The following WDR70 variants were observed in gnomAD, a reference collection of about 807,000 sequenced individuals.
WDR70 encodes the protein WD repeat-containing protein 70.
In WDR70, 53 loss-of-function variants were observed where a neutral mutation model predicts 88.6. The ratio of observed to expected loss-of-function variants is 0.60; its 90% CI spans 0.48 to 0.75. The LOEUF is 0.75. WDR70 is among the 30% of genes least tolerant of loss of function. WDR70 has a pLI of 0.00. For synonymous variants in WDR70, 280 were observed against 270.0 expected (o/e 1.04, Z -0.36); for missense variants, 610 against 823.2 (o/e 0.74, Z 3.17).
chr5:37,601,352 T>C (rs971021251), intron 9 of WDR70, among the ~76,000 whole-genome samples: 5 of 152,244 alleles, frequency 3.3e-5, no homozygotes, highest in Admixed American at 2.6e-4. Context: ...TGAACCATCC[T>C]TGCATACCTG....
chr5:37,488,918 C>T (rs1739979294), intron 8 of WDR70, among the ~76,000 whole-genome samples: 1 of 152,132 alleles, frequency 6.6e-6, no homozygotes, highest in Admixed American at 6.5e-5. Flanking sequence ...ACAGTTACTT[C>T]TTCCAGTTTT....
At chr5:37,495,696 G>C (rs1740197251) in intron 8 of WDR70, among the ~76,000 whole-genome samples, 1 of 152,064 alleles carries the variant, frequency 6.6e-6, no homozygotes, top group Admixed American at 6.6e-5. Context: ...TAGTTTATTT[G>C]GTGAAAAAGT....
intron 5 of WDR70, among the ~76,000 whole-genome samples, chr5:37,419,147 T>C (rs1012168217): frequency 1.3e-5 from 2 of 152,152 alleles, no homozygotes; most frequent in Non-Finnish European, 2.9e-5. Flanking sequence ...CTTCCTTATG[T>C]CTTCCTGTAT....
chr5:37,442,479 C>T (rs1341616078), intron 6 of WDR70, among the ~76,000 whole-genome samples: 4 of 151,566 alleles, frequency 2.6e-5, no homozygotes, highest in South Asian at 2.1e-4. Context: ...CATGCCTCCA[C>T]GCCCAGTTAA....
intron 3 of WDR70, 50 bp from the exon 4 acceptor site, chr5:37,391,950 G>T: frequency 6.4e-7 from 1 of 1,568,536 alleles, no homozygotes; most frequent in South Asian, 1.2e-5. Flanking sequence ...AACATATTTT[G>T]AATTGTAACC....
chr5:37,432,201 T>C (rs1750326829), intron 5 of WDR70, among the ~76,000 whole-genome samples: 1 of 152,238 alleles, frequency 6.6e-6, no homozygotes, highest in Non-Finnish European at 1.5e-5. Context: ...TTTCTTTACC[T>C]CCTTACCAAC....
intron 10 of WDR70, among the ~76,000 whole-genome samples, chr5:37,622,538 T>C (rs1744539118): frequency 6.6e-6 from 1 of 152,174 alleles, no homozygotes; most frequent in Admixed American, 6.5e-5. Flanking sequence ...GTGGCACATA[T>C]ACACCATGGA....
chr5:37,665,599 A>G (rs1561058170), intron 10 of WDR70, among the ~76,000 whole-genome samples: 2 of 152,208 alleles, frequency 1.3e-5, no homozygotes, highest in Non-Finnish European at 2.9e-5. Context: ...GCTGGAAAAT[A>G]AAAATCAGTC....
At chr5:37,400,219 C>T (rs1561837885) in intron 5 of WDR70, among the ~76,000 whole-genome samples, 1 of 152,080 alleles carries the variant, frequency 6.6e-6, no homozygotes, top group Non-Finnish European at 1.5e-5. Context: ...CAGGTGTGAG[C>T]CACTGCACCT....
intron 10 of WDR70, among the ~76,000 whole-genome samples, chr5:37,676,630 G>T (rs1437109346): frequency 1.1e-4 from 16 of 151,946 alleles, no homozygotes; most frequent in Non-Finnish European, 2.2e-4. Flanking sequence ...GCTGGATTCG[G>T]TTTGCCAGTA....
chr5:37,659,412 A>G (rs1333862786), intron 10 of WDR70, among the ~76,000 whole-genome samples: 1 of 151,174 alleles, frequency 6.6e-6, no homozygotes, highest in African/African-American at 2.4e-5. Context: ...CTGTTTTTCT[A>G]TTTTTTTTAT....
intron 5 of WDR70, among the ~76,000 whole-genome samples, chr5:37,398,860 G>A (rs1749109058): frequency 6.6e-6 from 1 of 152,064 alleles, no homozygotes; most frequent in Admixed American, 6.6e-5. Context: ...GAAATATTTT[G>A]ACTGGGCACT....
intron 10 of WDR70, among the ~76,000 whole-genome samples, chr5:37,658,531 CT>C (rs1371730711): frequency 6.6e-6 from 1 of 152,006 alleles, no homozygotes; most frequent in Non-Finnish European, 1.5e-5. Flanking sequence ...TTCTAGTTAT[CT>C]TTCAAAACCC....
intron 10 of WDR70, among the ~76,000 whole-genome samples, chr5:37,687,084 TTTAGA>T (rs1479139865): frequency 6.6e-6 from 1 of 152,044 alleles, no homozygotes; most frequent in East Asian, 1.9e-4. Flanking sequence ...AAGTTGCAGT[TTTAGA>T]TTCCCGACAT....
chr5:37,655,282 G>A (rs983505785), intron 10 of WDR70, among the ~76,000 whole-genome samples: 2 of 152,144 alleles, frequency 1.3e-5, no homozygotes, highest in Non-Finnish European at 2.9e-5. Flanking sequence ...CTTTCTTTTG[G>A]CTTGTAGTGT....
intron 5 of WDR70, among the ~76,000 whole-genome samples, chr5:37,416,955 G>A (rs926708310): frequency 6.6e-6 from 1 of 152,208 alleles, no homozygotes; most frequent in African/African-American, 2.4e-5. Context: ...TGTCAAAAGT[G>A]TGCAGTCTTT....
intron 17 of WDR70, among the ~76,000 whole-genome samples, chr5:37,728,620 CAA>C (rs1183787964): frequency 6.6e-6 from 1 of 152,066 alleles, no homozygotes; most frequent in Non-Finnish European, 1.5e-5. Context: ...ACAAATAACA[CAA>C]GAGAGATGTT....
At chr5:37,650,032 C>T (rs1256530055) in intron 10 of WDR70, among the ~76,000 whole-genome samples, 44 of 144,942 alleles carry the variant, frequency 3.0e-4, no homozygotes, top group East Asian at 8.4e-4. Flanking sequence ...CCACTGCGCC[C>T]GGCCTATTAC....
chr5:37,545,208 G>A (rs148546067), intron 9 of WDR70, among the ~76,000 whole-genome samples: 86 of 152,162 alleles, frequency 5.7e-4, no homozygotes, highest in African/African-American at 2.0e-3. Context: ...CTGTTGGTAT[G>A]ACAATTCTGT....
Sources: gnomAD v4.1 joint callset for allele counts (sites outside exome capture counted in the v4.1 genomes callset) on GRCh38, gnomAD v4.1.1 for gene constraint, MANE v1.5 for transcripts, NCBI Gene and HGNC (gene_info 2026-07-23, HGNC 2026-07-21) for gene names.